The following CYP27A1 variants were observed in gnomAD, a reference collection of about 807,000 sequenced individuals.
CYP27A1 encodes the protein cytochrome P450 family 27 subfamily A member 1.
Under a neutral mutation model 58.2 loss-of-function variants are expected in CYP27A1, and 46 were observed. The observed-to-expected ratio is 0.79, with a 90% CI of 0.62 to 1.01. CYP27A1 has a LOEUF of 1.01. CYP27A1 is among the 50% of genes least tolerant of loss of function. CYP27A1 has a pLI of 0.00. For synonymous variants in CYP27A1, 274 were observed against 285.1 expected (o/e 0.96, Z 0.39); for missense variants, 704 against 687.0 (o/e 1.02, Z -0.28).
intron 1 of CYP27A1, among the ~76,000 whole-genome samples, chr2:218,804,297 G>T (rs1943629751): frequency 6.6e-6 from 1 of 152,168 alleles, no homozygotes; most frequent in Admixed American, 6.5e-5. Flanking sequence ...TTGTTGAAGA[G>T]ACTTTCTTTC....
At chr2:218,803,658 G>A (rs753936556) in intron 1 of CYP27A1, among the ~76,000 whole-genome samples, 3 of 150,294 alleles carry the variant, frequency 2.0e-5, no homozygotes, top group African/African-American at 4.9e-5. Flanking sequence ...TCTTGACATC[G>A]TGATCTGTCC....
chr2:218,812,354 G>A lies in CYP27A1; in HGVS notation c.579G>A (p.Arg193=). 6.2e-7 allele frequency: 1 copy of A among 1,614,202 alleles called. No homozygotes were observed. The highest frequency in any genetic ancestry group is 1.7e-5 in the Admixed American group (1 of 60,020). Residue 193 remains arginine (R), a synonymous_variant, in exon 3 of 9, where the codon CGG becomes CGA. Coordinates refer to ENST00000258415, the MANE Select transcript of CYP27A1 (RefSeq NM_000784.4). The part of the protein sequence containing the change: ...DDFMTRLDQL[R]AESASGNQVS... Reference sequence around the variant, plus strand: ...TTATGACTCGACTGGACCAGCTGCGGGCAGAGAGTGCTTCGGGGAACCAGG... The same window carrying A: ...TTATGACTCGACTGGACCAGCTGCGAGCAGAGAGTGCTTCGGGGAACCAGG...
chr2:218,805,535 G>A (rs896126918), intron 1 of CYP27A1, among the ~76,000 whole-genome samples: 6 of 152,176 alleles, frequency 3.9e-5, no homozygotes, highest in African/African-American at 1.4e-4. Context: ...ATTCTCAACT[G>A]TCTGGCCCAT....
chr2:218,808,927 T>C (rs377507354), intron 1 of CYP27A1, among the ~76,000 whole-genome samples: 8 of 152,102 alleles, frequency 5.3e-5, no homozygotes, highest in African/African-American at 1.7e-4. Context: ...GGCCAGTACT[T>C]TTTTTTATTT....
At chr2:218,809,063 T>G (rs1943681395) in intron 1 of CYP27A1, among the ~76,000 whole-genome samples, 1 of 152,190 alleles carries the variant, frequency 6.6e-6, no homozygotes, top group Non-Finnish European at 1.5e-5. Flanking sequence ...GGACCCTGAC[T>G]TTCTCATCCA....
chr2:218,789,881 A>G (rs1943474937), intron 1 of CYP27A1, among the ~76,000 whole-genome samples: 1 of 152,164 alleles, frequency 6.6e-6, no homozygotes, highest in African/African-American at 2.4e-5. Context: ...TTTTTTGTGA[A>G]GGTTAGAGTA....
At chr2:218,783,257 C>CAAAAAAA (rs371442397) in intron 1 of CYP27A1, among the ~76,000 whole-genome samples, 6 of 79,498 alleles carry the variant, frequency 7.5e-5, no homozygotes, top group African/African-American at 2.1e-4. Context: ...AACTCTGTCT[C>CAAAAAAA]AAAAAAAAAA....
At position 218,814,678 on chromosome 2, in the gene CYP27A1, C is replaced by T; in HGVS notation, c.1397C>T (p.Ser466Phe). 6.2e-7 allele frequency: 1 copy of T among 1,614,234 alleles called. No individual in the cohort carries two copies. The highest frequency in any genetic ancestry group is 1.1e-5 in the South Asian group (1 of 91,086). ...ATPRIQHPFGSVPFGYGVRAC... is the reference protein window; with the variant it reads ...ATPRIQHPFGFVPFGYGVRAC... The stretch of plus-strand genomic sequence containing the variant: ...CCCAGGATCCAGCACCCATTTGGCT[C>T]TGTGCCCTTTGGCTATGGGGTCCGG... The change falls in exon 8 of 9, where the codon TCT (serine) becomes TTT (phenylalanine). Residue 466 changes from serine (S) to phenylalanine (F), a missense_variant. By Grantham distance (155) the Ser-to-Phe change is radical (BLOSUM62 -2). Coordinates refer to ENST00000258415, the MANE Select transcript of CYP27A1 (RefSeq NM_000784.4).
Position 218,809,539 on chromosome 2 carries a change from G to T in CYP27A1, c.256-38G>T. 7 of 1,456,662 alleles carry T rather than the reference G, an allele frequency of 4.8e-6. No homozygotes were observed. The East Asian group carries it at 2.2e-4, about 46-fold the overall frequency. The allele number at this position is 1,456,662 out of a possible 1,614,324, so 90.2% of individuals were successfully genotyped here. A position where few individuals can be genotyped will look rare whatever the true frequency, so the allele number is the denominator to read the frequency against. On this transcript the variant is annotated intron_variant, in intron 1 of 8. Coordinates refer to ENST00000258415, the MANE Select transcript of CYP27A1 (RefSeq NM_000784.4). ...CTCCTGTCCTGGGAGCACCTGCCCA[G>T]CTTGGCCCAGTTATTCAGTTTTGAT...
At chr2:218,812,866 G>C (rs1476918643) in intron 4 of CYP27A1, 58 bp from the exon 5 acceptor site, 1 of 1,612,510 alleles carries the variant, frequency 6.2e-7, no homozygotes. Flanking sequence ...GTGGCTCTTG[G>C]TCCTTGGAGA....
chr2:218,812,712 G>A lies in CYP27A1; in HGVS notation c.807G>A (p.Lys269=), dbSNP rs777564537. 9.9e-6 allele frequency: 16 copies of A among 1,614,214 alleles called. No homozygotes were observed. The highest frequency in any genetic ancestry group is 1.4e-5 in the Non-Finnish European group (16 of 1,180,040). Residue 269 remains lysine (K), a synonymous_variant, in exon 4 of 9, where the codon AAG becomes AAA. Transcript: ENST00000258415. ...CTCGCCCCGTGCTGCCTTTCTGGAA[G>A]CGATACCTGGATGGTTGGAATGCCA... ...KWTRPVLPFW[K]RYLDGWNAIF...
chr2:218,798,509 T>C (rs539948854), intron 1 of CYP27A1, among the ~76,000 whole-genome samples: 1 of 152,344 alleles, frequency 6.6e-6, no homozygotes, highest in East Asian at 1.9e-4. Context: ...GTTAATTCCA[T>C]ATGTCCCACT....
At chr2:218,811,778 A>C (rs543720758) in intron 2 of CYP27A1, among the ~76,000 whole-genome samples, 1 of 152,372 alleles carries the variant, frequency 6.6e-6, no homozygotes, top group South Asian at 2.1e-4. Flanking sequence ...CCAGAGCTGT[A>C]TAATTCCAAG....
intron 1 of CYP27A1, among the ~76,000 whole-genome samples, chr2:218,797,245 G>A (rs968862972): frequency 6.6e-6 from 1 of 151,838 alleles, no homozygotes; most frequent in Non-Finnish European, 1.5e-5. Flanking sequence ...GATTACAGGC[G>A]CCCACCACCA....
intron 1 of CYP27A1, among the ~76,000 whole-genome samples, chr2:218,798,346 C>T (rs947818657): frequency 5.9e-5 from 9 of 152,180 alleles, no homozygotes; most frequent in African/African-American, 1.9e-4. Context: ...GTTGTTCTTA[C>T]ACACCTTGCA....
chr2:218,814,654 C>G lies in CYP27A1; in HGVS notation c.1373C>G (p.Pro458Arg), dbSNP rs781360671. Residue 458 changes from proline (P) to arginine (R), a missense_variant, in exon 8 of 9, where the codon CCC (proline) becomes CGC (arginine). Physicochemically the swap from Pro to Arg is moderately radical, Grantham distance 103. Transcript: ENST00000258415. ...CTGAGAAACAGCCAGCCTGCTACCC[C>G]CAGGATCCAGCACCCATTTGGCTCT... ...RWLRNSQPAT[P>R]RIQHPFGSVP... is the part of the protein sequence containing the mutation. 2 of 1,614,252 alleles carry G rather than the reference C, an allele frequency of 1.2e-6. No homozygotes were observed. The highest frequency in any genetic ancestry group is 2.2e-5 in the East Asian group (1 of 44,886).
intron 1 of CYP27A1, among the ~76,000 whole-genome samples, chr2:218,786,764 G>A (rs1943444569): frequency 6.6e-6 from 1 of 151,792 alleles, no homozygotes; most frequent in African/African-American, 2.4e-5. Context: ...AAGTACATAT[G>A]TGTCATTTTA....
At chr2:218,807,187 T>C (rs6436093) in intron 1 of CYP27A1, among the ~76,000 whole-genome samples, 79,323 of 151,650 alleles carry the variant, frequency 0.52, 21,548 homozygotes, top group African/African-American at 0.64. Flanking sequence ...TCTCGAACTC[T>C]TGACCTTGTG....
chr2:218,804,283 C>G (rs542041674), intron 1 of CYP27A1, among the ~76,000 whole-genome samples: 2 of 152,264 alleles, frequency 1.3e-5, no homozygotes, highest in East Asian at 3.9e-4. Context: ...GGTCCCAGTA[C>G]CATTTGTTGA....
Sources: allele counts gnomAD v4.1 joint callset (sites outside exome capture counted in the v4.1 genomes callset), GRCh38; gene constraint gnomAD v4.1.1; transcripts MANE v1.5; gene names NCBI Gene and HGNC (gene_info 2026-07-23, HGNC 2026-07-21).